The following GTF2IRD1 variants were observed in gnomAD, a reference collection of about 807,000 sequenced individuals.
The protein encoded by GTF2IRD1 is general transcription factor II-I repeat domain-containing protein 1.
A neutral mutation model predicts 113.2 loss-of-function variants in GTF2IRD1; 26 were observed. The observed-to-expected ratio is 0.23, with a 90% CI of 0.17 to 0.32. The LOEUF (loss-of-function observed/expected upper bound fraction) is 0.32, where lower values mean the gene tolerates loss of function less well. Ranked by LOEUF, GTF2IRD1 falls within the 10% of genes least tolerant of loss-of-function variation. GTF2IRD1 has a pLI of 1.00. For synonymous variants in GTF2IRD1, 484 were observed against 529.1 expected, an observed-to-expected ratio of 0.91 and a Z score of 1.17; for missense variants, 864 against 1,280.8, an observed-to-expected ratio of 0.67 and a Z score of 4.97.
chr7:74,595,819 T>A (rs1802376912), intron 25 of GTF2IRD1: 1 of 152,344 alleles, frequency 6.6e-6, no homozygotes, highest in Admixed American at 6.6e-5. Context: ...TCCTCCTGGG[T>A]AGCAGAGGGG....
In GTF2IRD1 at chr7:74,492,595, T is replaced by C. The variant is rs544661512; in HGVS notation, c.-6-15480T>C. Among the ~76,000 whole-genome samples, 24 of 152,324 alleles carry C rather than the reference T, an allele frequency of 1.6e-4. No homozygotes were observed. In the South Asian group the frequency reaches 4.6e-3, roughly 29 times the overall value. On this transcript the variant is annotated intron_variant, in intron 1 of 26. Transcript: ENST00000424337. The stretch of plus-strand genomic sequence containing the variant: ...GTTGATTGAGTCTTTTTTCATAAGA[T>C]TGTTGGCTGCATGTACATCTCCTTT...
intron 1 of GTF2IRD1, among the ~76,000 whole-genome samples, chr7:74,481,356 G>A (rs1020442503): frequency 6.6e-5 from 10 of 151,730 alleles, no homozygotes; most frequent in African/African-American, 1.9e-4. Flanking sequence ...GGGGTCTTGC[G>A]ATGTTGCCCA....
At chr7:74,541,958 C>T (rs1262136512) in intron 14 of GTF2IRD1, among the ~76,000 whole-genome samples, 5 of 146,438 alleles carry the variant, frequency 3.4e-5, no homozygotes, top group South Asian at 4.2e-4. Flanking sequence ...TAGACAGGAA[C>T]GGTAGGACCT....
At chr7:74,524,230 T>C in intron 8 of GTF2IRD1, 76 bp downstream of exon 8, 2 of 978,976 alleles carry the variant, frequency 2.0e-6, no homozygotes, top group Non-Finnish European at 3.1e-6. Context: ...ATCACTCGTG[T>C]TCCCCAACAC....
intron 22 of GTF2IRD1, among the ~76,000 whole-genome samples, chr7:74,567,598 A>C (rs2130842452): frequency 6.6e-6 from 1 of 152,270 alleles, no homozygotes; most frequent in Non-Finnish European, 1.5e-5. Flanking sequence ...CCAAGCACCA[A>C]AGTGCCAGCT....
chr7:74,591,662 G>T (rs1435366967), intron 24 of GTF2IRD1, among the ~76,000 whole-genome samples: 1 of 152,154 alleles, frequency 6.6e-6, no homozygotes, highest in African/African-American at 2.4e-5. Flanking sequence ...TTACAGGCGT[G>T]AGCCACTGCA....
chr7:74,527,300 G>A (rs1356665512), intron 8 of GTF2IRD1, among the ~76,000 whole-genome samples: 1 of 152,114 alleles, frequency 6.6e-6, no homozygotes, highest in Non-Finnish European at 1.5e-5. Flanking sequence ...ATCAGTCTGG[G>A]CAACATAGCA....
chr7:74,524,813 C>T (rs1186443447), intron 8 of GTF2IRD1, among the ~76,000 whole-genome samples: 3 of 152,160 alleles, frequency 2.0e-5, no homozygotes, highest in African/African-American at 4.8e-5. Context: ...TGCAGTGAGT[C>T]GAGATCGTGG....
At chr7:74,601,374 G>T in intron 26 of GTF2IRD1, 194 bp downstream of exon 26, 3 of 1,514,936 alleles carry the variant, frequency 2.0e-6, no homozygotes, top group African/African-American at 1.4e-5. Flanking sequence ...CTTCTCGTGG[G>T]GTACTCACAG....
At chr7:74,492,440 G>A (rs1265806322) in intron 1 of GTF2IRD1, among the ~76,000 whole-genome samples, 1 of 152,074 alleles carries the variant, frequency 6.6e-6, no homozygotes, top group Non-Finnish European at 1.5e-5. Flanking sequence ...AAAGTGCTGG[G>A]ATTACTGGTG....
intron 9 of GTF2IRD1, among the ~76,000 whole-genome samples, chr7:74,532,072 C>T (rs587749662): frequency 6.6e-6 from 1 of 152,252 alleles, no homozygotes; most frequent in South Asian, 2.1e-4. Flanking sequence ...GGCTGGCCAG[C>T]GACCCCTTGG....
At chr7:74,528,886 G>A (rs1797781816) in intron 8 of GTF2IRD1, among the ~76,000 whole-genome samples, 1 of 144,206 alleles carries the variant, frequency 6.9e-6, no homozygotes, top group Non-Finnish European at 1.5e-5. Context: ...TGGATGGATG[G>A]ATGGATGGAT....
At chr7:74,543,733 C>G (rs1401507341) in intron 14 of GTF2IRD1, among the ~76,000 whole-genome samples, 1 of 151,846 alleles carries the variant, frequency 6.6e-6, no homozygotes, top group Non-Finnish European at 1.5e-5. Context: ...AACCCTGTCT[C>G]TACAAAAAAT....
intron 22 of GTF2IRD1, among the ~76,000 whole-genome samples, chr7:74,588,112 T>C (rs1427400334): frequency 6.7e-6 from 1 of 148,824 alleles, no homozygotes; most frequent in Non-Finnish European, 1.5e-5. Context: ...TTTTCTTTTT[T>C]TTTTTTTTTT....
chr7:74,474,078 A>C (rs547361378), intron 1 of GTF2IRD1, among the ~76,000 whole-genome samples: 10 of 146,836 alleles, frequency 6.8e-5, no homozygotes, highest in African/African-American at 2.0e-4. Context: ...ACAAAAAAAA[A>C]AAACAAACAA....
rs150023426 is a variant in GTF2IRD1, at chr7:74,509,548, A to T, written c.123+1345A>T. 9.5e-3 allele frequency among the ~76,000 whole-genome samples: 1,440 copies of T among 152,196 alleles called. 18 individuals are homozygous for T. The highest frequency in any genetic ancestry group is 0.033 in the African/African-American group (1,369 of 41,528). ...CTCTCTCAATTAAAAAAATTTTTTT[A>T]AATAAAAATAAAATTAAAAATCTGT... On this transcript the variant is annotated intron_variant, in intron 2 of 26. Transcript: ENST00000424337.
chr7:74,492,353 G>C (rs1449553307), intron 1 of GTF2IRD1, among the ~76,000 whole-genome samples: 1 of 151,686 alleles, frequency 6.6e-6, no homozygotes, highest in Non-Finnish European at 1.5e-5. Context: ...TGTATTTTTA[G>C]TGGAAACTGA....
At chr7:74,602,178 G>T (rs1802803057) in intron 26 of GTF2IRD1, 187 bp from the exon 27 acceptor site, 1 of 541,948 alleles carries the variant, frequency 1.8e-6, no homozygotes, top group Non-Finnish European at 2.9e-6. Context: ...CGGGGCCAAG[G>T]TTGCAGTGAG....
At chr7:74,532,428 C>T (rs1798014066) in intron 9 of GTF2IRD1, among the ~76,000 whole-genome samples, 1 of 152,122 alleles carries the variant, frequency 6.6e-6, no homozygotes, top group African/African-American at 2.4e-5. Context: ...GTGGTATGCA[C>T]CTGTAGTCCT....
Sources: allele counts gnomAD v4.1 joint callset (sites outside exome capture counted in the v4.1 genomes callset), GRCh38; gene constraint gnomAD v4.1.1; transcripts MANE v1.5; gene names NCBI Gene and HGNC (gene_info 2026-07-23, HGNC 2026-07-21).